The following TCF20 variants were observed in gnomAD, a reference collection of about 807,000 sequenced individuals.
TCF20 encodes the protein SPRE-binding protein.
Under a neutral mutation model 148.6 loss-of-function variants are expected in TCF20, and 3 were observed. That is an observed-to-expected ratio of 0.02 (90% CI 0.01 to 0.05). The LOEUF (loss-of-function observed/expected upper bound fraction) is 0.05, where lower values mean the gene tolerates loss of function less well. Among genes scored for constraint, TCF20 ranks in the 10% least tolerant of loss-of-function variants. TCF20 has a pLI of 1.00. For synonymous variants in TCF20, 1,049 were observed against 909.5 expected (o/e 1.15, Z -2.76); for missense variants, 2,350 against 2,429.3 (o/e 0.97, Z 0.69).
At chr22:42,170,015 A>C (rs1936026136) in intron 3 of TCF20, 119 bp from the exon 4 acceptor site, 1 of 893,556 alleles carries the variant, frequency 1.1e-6, no homozygotes, top group Admixed American at 2.4e-5. Flanking sequence ...CTTACTTCTA[A>C]TAGGAAAACA....
rs145670937 is a variant in TCF20, at chr22:42,211,646, T to A, written c.3660A>T (p.Gly1220=). 1.9e-4 allele frequency: 299 copies of A among 1,614,220 alleles called. No individual in the cohort carries two copies. In the African/African-American group the frequency reaches 3.7e-3, roughly 20 times the overall value. Residue 1220 remains glycine, a synonymous_variant, in exon 2 of 6, where the codon GGA becomes GGT. Coordinates refer to ENST00000677622, the MANE Select transcript of TCF20 (RefSeq NM_001378418.1). ...ACTGTGTAGCCTCAGCTAGTCCATG[T>A]CCATCAGTCTCATGGGGCGGCCCAT... The part of the protein sequence containing the change: ...KRYGPPHETD[G]HGLAEATQSS...
At chr22:42,173,687 G>A (rs560257182) in intron 3 of TCF20, among the ~76,000 whole-genome samples, 1 of 152,262 alleles carries the variant, frequency 6.6e-6, no homozygotes, top group African/African-American at 2.4e-5. Context: ...AATAATACAA[G>A]CGTCCATCCC....
At position 42,207,310 on chromosome 22, in the gene TCF20, T is replaced by A. The variant is rs539802482; in HGVS notation, c.5655+2341A>T. 1.1e-3 allele frequency among the ~76,000 whole-genome samples: 167 copies of A among 152,104 alleles called. 1 individual carries two copies. The highest frequency in any genetic ancestry group is 1.2e-3 in the Admixed American group (18 of 15,282). ...CTTTTAGGACGCTGGCAGCCAAGCT[T>A]GCATCTCTAGACAGGAAATCTCAAG... On this transcript the variant is annotated intron_variant, in intron 2 of 5. Coordinates refer to ENST00000677622, the MANE Select transcript of TCF20 (RefSeq NM_001378418.1).
At chr22:42,186,318 GA>G (rs1262737353) in intron 2 of TCF20, among the ~76,000 whole-genome samples, 1 of 152,158 alleles carries the variant, frequency 6.6e-6, no homozygotes, top group East Asian at 1.9e-4. Context: ...GTAAAATGGG[GA>G]TAACAGTATT....
intron 1 of TCF20, among the ~76,000 whole-genome samples, chr22:42,241,659 T>A (rs1312202218): frequency 6.6e-6 from 1 of 152,132 alleles, no homozygotes; most frequent in Non-Finnish European, 1.5e-5. Flanking sequence ...AAACTCCATC[T>A]CTACTAAAAG....
rs933309206 is a variant in TCF20, at chr22:42,290,515, T to C, written c.-37+52964A>G. ...CTGGGGGCACGTGGGAGGCCTCTGC[T>C]CCTGACCTTTGCTTAGCACAGGCAG... On this transcript the variant is annotated intron_variant, in intron 1 of 1. Coordinates refer to the TCF20 transcript ENST00000515426. This position sits in a 1 kb window ranked among gnomAD's most constrained non-coding sequence, Gnocchi z 4.2. 9.2e-5 allele frequency among the ~76,000 whole-genome samples: 14 copies of C among 152,172 alleles called. No individual in the cohort carries two copies. The highest frequency in any genetic ancestry group is 3.1e-4 in the African/African-American group (13 of 41,438).
At chr22:42,295,749 A>T (rs367655912) in intron 1 of TCF20, among the ~76,000 whole-genome samples, 1 of 152,056 alleles carries the variant, frequency 6.6e-6, no homozygotes, top group Non-Finnish European at 1.5e-5. Flanking sequence ...CTACTCCCTT[A>T]TGTTTTCATA....
chr22:42,215,446 A>C, intron 1 of TCF20, 105 bp from the exon 2 acceptor site: 1 of 1,384,758 alleles, frequency 7.2e-7, no homozygotes, highest in South Asian at 1.6e-5. Context: ...GCCCAGATGA[A>C]GCTGACTGGT....
chr22:42,295,896 G>C (rs1927228690), intron 1 of TCF20, among the ~76,000 whole-genome samples: 1 of 152,132 alleles, frequency 6.6e-6, no homozygotes, highest in South Asian at 2.1e-4. Flanking sequence ...TCCTCCTCCA[G>C]GCAGGCTTTC....
At chr22:42,227,985 T>C (rs762296166) in intron 1 of TCF20, among the ~76,000 whole-genome samples, 3 of 152,198 alleles carry the variant, frequency 2.0e-5, no homozygotes, top group African/African-American at 7.2e-5. Context: ...AAGTCACACA[T>C]ATGTTACTGT....
At chr22:42,177,096 A>G (rs939606872) in intron 3 of TCF20, among the ~76,000 whole-genome samples, 1 of 152,120 alleles carries the variant, frequency 6.6e-6, no homozygotes, top group Non-Finnish European at 1.5e-5. Flanking sequence ...TGAGCACCCC[A>G]TATCTACAAT....
chr22:42,230,907 C>T (rs918964977), intron 1 of TCF20, among the ~76,000 whole-genome samples: 9 of 151,802 alleles, frequency 5.9e-5, no homozygotes, highest in African/African-American at 2.2e-4. Context: ...GTCTGTAATC[C>T]CAGTACTTTG....
intron 2 of TCF20, among the ~76,000 whole-genome samples, chr22:42,198,858 T>C (rs896145901): frequency 2.6e-5 from 4 of 152,072 alleles, no homozygotes; most frequent in African/African-American, 7.2e-5. Context: ...AGAGACAGGG[T>C]TTCACTGTGT....
chr22:42,178,450 C>G (rs1936572960), intron 3 of TCF20, among the ~76,000 whole-genome samples: 1 of 127,630 alleles, frequency 7.8e-6, no homozygotes, highest in Non-Finnish European at 1.8e-5. Flanking sequence ...CAGAACCAAG[C>G]TAAACTATAG....
chr22:42,177,107 T>C (rs542687819), intron 3 of TCF20, among the ~76,000 whole-genome samples: 196 of 152,230 alleles, frequency 1.3e-3, no homozygotes, highest in African/African-American at 4.1e-3. Flanking sequence ...TATCTACAAT[T>C]ACTGTCCATT....
intron 5 of TCF20, among the ~76,000 whole-genome samples, chr22:42,164,516 C>G (rs2147036385): frequency 6.6e-6 from 1 of 152,028 alleles, no homozygotes; most frequent in East Asian, 1.9e-4. Flanking sequence ...AGCCACTGTG[C>G]CCGGCCTGGG....
Position 42,256,533 on chromosome 22 carries a change from C to G in TCF20, c.-37+13806G>C, listed in dbSNP as rs117034083. On this transcript the variant is annotated intron_variant, in intron 1 of 5. Transcript: ENST00000677622. ...TATGCAGGCTGTGATGTCCTTCATTCCAGCTCAAATTTCTCCTACTGAATA... is the reference window on the plus strand; with the variant it reads ...TATGCAGGCTGTGATGTCCTTCATTGCAGCTCAAATTTCTCCTACTGAATA... Among the ~76,000 whole-genome samples the G allele has an allele frequency of 4.5e-3, 678 of 150,974 alleles. 3 individuals are homozygous for G. The highest frequency in any genetic ancestry group is 6.8e-3 in the Non-Finnish European group (464 of 67,890).
At chr22:42,239,737 A>G (rs1320120032) in intron 1 of TCF20, among the ~76,000 whole-genome samples, 2 of 152,184 alleles carry the variant, frequency 1.3e-5, no homozygotes, top group Non-Finnish European at 2.9e-5. Context: ...TAGTGAGCCG[A>G]GATGGCGCCA....
chr22:42,307,886 T>C (rs938235826), intron 1 of TCF20, among the ~76,000 whole-genome samples: 19 of 152,206 alleles, frequency 1.2e-4, no homozygotes, highest in Non-Finnish European at 1.0e-4. Context: ...ACCGGCCTCC[T>C]GTGGTATCCT....
Sources: allele counts gnomAD v4.1 joint callset (sites outside exome capture counted in the v4.1 genomes callset), GRCh38; gene constraint gnomAD v4.1.1; non-coding constraint Gnocchi (gnomAD v3.1); transcripts MANE v1.5; gene names NCBI Gene and HGNC (gene_info 2026-07-23, HGNC 2026-07-21).